Variants in DOP1B observed in about 807,000 individuals in gnomAD.
The protein encoded by DOP1B is DOP1 leucine zipper like protein B, also known as protein DOP1B.
DOP1B carries 174 observed loss-of-function variants against 233.5 expected under a neutral mutation model. That is an observed-to-expected ratio of 0.75 (90% CI 0.66 to 0.85). DOP1B has a LOEUF of 0.85. DOP1B is among the 40% of genes least tolerant of loss of function. The probability of loss-of-function intolerance (pLI) is 0.00; values close to 1 mark genes in which losing one functional copy is unlikely to be tolerated. For synonymous variants in DOP1B, 1,190 were observed against 1,185.6 expected (o/e 1.00, Z -0.08); for missense variants, 2,652 against 2,846.6 (o/e 0.93, Z 1.56).
chr21:36,263,881 A>G (rs929667288), intron 26 of DOP1B, 67 bp downstream of exon 26: 5 of 1,436,800 alleles, frequency 3.5e-6, no homozygotes, highest in Non-Finnish European at 4.9e-6. Context: ...TTTGGGGGAT[A>G]TCAGATAGCA....
chr21:36,239,129 C>T (rs1252634009), intron 17 of DOP1B, among the ~76,000 whole-genome samples: 1 of 152,166 alleles, frequency 6.6e-6, no homozygotes, highest in Non-Finnish European at 1.5e-5. Context: ...GACCCCTGCA[C>T]ATGACCCCTC....
chr21:36,185,379 A>G (rs113172321), intron 2 of DOP1B, among the ~76,000 whole-genome samples: 244 of 152,100 alleles, frequency 1.6e-3, no homozygotes, highest in African/African-American at 5.7e-3. Flanking sequence ...TCCTCCTGCC[A>G]TTTTTCATCA....
At chr21:36,267,238 C>T (rs2067240215) in intron 26 of DOP1B, among the ~76,000 whole-genome samples, 1 of 152,332 alleles carries the variant, frequency 6.6e-6, no homozygotes, top group South Asian at 2.1e-4. Context: ...GTGGATGACT[C>T]CTCACTTCAC....
chr21:36,164,557 C>T (rs1280684379), intron 1 of DOP1B, 151 bp from the exon 2 acceptor site: 1 of 478,742 alleles, frequency 2.1e-6, no homozygotes, highest in African/African-American at 2.0e-5. Context: ...AGTGCCTGGC[C>T]CAGAAGCCTT....
At chr21:36,285,613 C>T (rs1390427625) in intron 32 of DOP1B, among the ~76,000 whole-genome samples, 1 of 152,044 alleles carries the variant, frequency 6.6e-6, no homozygotes, top group African/African-American at 2.4e-5. Flanking sequence ...CTGAACTTGC[C>T]TGGAGATGCC....
At chr21:36,224,698 T>G (rs1022459960) in intron 11 of DOP1B, among the ~76,000 whole-genome samples, 2 of 150,522 alleles carry the variant, frequency 1.3e-5, no homozygotes, top group Non-Finnish European at 2.9e-5. Flanking sequence ...CAATAGATAC[T>G]TTTTAACTTA....
At chr21:36,261,054 A>G in intron 24 of DOP1B, 1 of 1,067,620 alleles carries the variant, frequency 9.4e-7, no homozygotes, top group Non-Finnish European at 1.1e-6. Flanking sequence ...GGGAAGTGTT[A>G]AAGACCTCTT....
chr21:36,252,712 A>G (rs1272122915), intron 22 of DOP1B, among the ~76,000 whole-genome samples: 3 of 152,050 alleles, frequency 2.0e-5, no homozygotes, highest in Non-Finnish European at 4.4e-5. Context: ...CGGTTTCACC[A>G]TGTTGGCCAG....
intron 32 of DOP1B, 90 bp from the exon 33 acceptor site, chr21:36,287,924 T>C (rs2067506643): frequency 1.4e-6 from 2 of 1,481,142 alleles, no homozygotes; most frequent in African/African-American, 2.8e-5. Context: ...TACTAGAATG[T>C]CAGAACAGTC....
At chr21:36,168,979 T>G in intron 2 of DOP1B, 1 of 735,062 alleles carries the variant, frequency 1.4e-6, no homozygotes, top group Admixed American at 1.8e-5. Context: ...GTTAAGCTCC[T>G]TCTTCCTTTG....
rs776817005 is a variant in DOP1B at position 36,278,284 on chromosome 21, A to G, written c.5898A>G (p.Arg1966=). ...TGAGTGGCTATGCCTACACAAAGCGAGCCTGGAGGAAGGAGGTCCTGGAGC... is the reference window on the plus strand; with the variant it reads ...TGAGTGGCTATGCCTACACAAAGCGGGCCTGGAGGAAGGAGGTCCTGGAGC... ...SSLSGYAYTK[R]AWRKEVLELF... Residue 1966 remains arginine (R), a synonymous_variant, in exon 30 of 37, where the codon CGA becomes CGG. Coordinates refer to ENST00000691173, the MANE Select transcript of DOP1B (RefSeq NM_001320714.2). 6.2e-7 allele frequency: 1 copy of G among 1,614,110 alleles called. No homozygotes were observed. The highest frequency in any genetic ancestry group is 1.7e-5 in the Admixed American group (1 of 59,984).
chr21:36,169,315 C>T, intron 2 of DOP1B: 1 of 779,776 alleles, frequency 1.3e-6, no homozygotes, highest in East Asian at 2.5e-5. Flanking sequence ...TAAGGTAGCC[C>T]TGGTCAATCT....
chr21:36,239,692 C>T (rs1010388276), intron 17 of DOP1B, 73 bp from the exon 18 acceptor site: 2 of 1,457,216 alleles, frequency 1.4e-6, no homozygotes. Flanking sequence ...ACGCCCTATG[C>T]CCAGTGTCTG....
At chr21:36,290,346 G>T (rs914646320) in intron 35 of DOP1B, among the ~76,000 whole-genome samples, 1 of 151,894 alleles carries the variant, frequency 6.6e-6, no homozygotes, top group African/African-American at 2.4e-5. Flanking sequence ...CCAACATGGC[G>T]AAACCCTGTC....
rs182908031 is a variant in DOP1B at position 36,260,219 on chromosome 21, G to A, written c.5260-458G>A. 3.4e-4 allele frequency among the ~76,000 whole-genome samples: 51 copies of A among 148,834 alleles called. 2 individuals are homozygous for A. The highest frequency in any genetic ancestry group is 3.0e-3 in the Admixed American group (44 of 14,800). ...GAAAAAGGAAAGGGAAGGGAAGGGGGAAGGGAAGGGGAAGGGAAGGGAGGA... is the reference window on the plus strand; with the variant it reads ...GAAAAAGGAAAGGGAAGGGAAGGGGAAAGGGAAGGGGAAGGGAAGGGAGGA... On this transcript the variant is annotated intron_variant, in intron 23 of 36. Coordinates refer to ENST00000691173, the MANE Select transcript of DOP1B (RefSeq NM_001320714.2).
chr21:36,177,735 A>G (rs1022755699), intron 2 of DOP1B, among the ~76,000 whole-genome samples: 1 of 152,200 alleles, frequency 6.6e-6, no homozygotes, highest in Non-Finnish European at 1.5e-5. Flanking sequence ...CCTCCTTGCC[A>G]TGTGATATCC....
chr21:36,252,915 C>T (rs1220651037), intron 22 of DOP1B, among the ~76,000 whole-genome samples: 2 of 152,212 alleles, frequency 1.3e-5, no homozygotes, highest in African/African-American at 2.4e-5. Context: ...TGTTCCCTCC[C>T]ACCCCTGCTC....
chr21:36,200,528 G>T (rs369377073), intron 4 of DOP1B, 27 bp downstream of exon 4: 66 of 1,580,314 alleles, frequency 4.2e-5, no homozygotes, highest in Non-Finnish European at 4.9e-5. Flanking sequence ...TCCAGGCTGT[G>T]TTTACTCCAC....
chr21:36,274,109 T>C (rs1428656477), intron 27 of DOP1B, among the ~76,000 whole-genome samples: 2 of 152,118 alleles, frequency 1.3e-5, no homozygotes, highest in Admixed American at 6.6e-5. Context: ...GAGCTTGGAT[T>C]TCATCCCACT....
Sources: allele counts gnomAD v4.1 joint callset (sites outside exome capture counted in the v4.1 genomes callset), GRCh38; gene constraint gnomAD v4.1.1; transcripts MANE v1.5; gene names NCBI Gene and HGNC (gene_info 2026-07-23, HGNC 2026-07-21).